The following DNAI3 variants were observed in gnomAD, a reference collection of about 807,000 sequenced individuals.
DNAI3 encodes dynein axonemal intermediate chain 3, also known as WD repeat domain 63.
In DNAI3, 83 loss-of-function variants were observed where a neutral mutation model predicts 115.5. The ratio of observed to expected loss-of-function variants is 0.72; its 90% CI spans 0.60 to 0.86. The LOEUF is 0.86. Ranked by LOEUF, DNAI3 falls within the 40% of genes least tolerant of loss-of-function variation. The pLI is 0.00. For synonymous variants in DNAI3, 320 were observed against 347.0 expected, an observed-to-expected ratio of 0.92 and a Z score of 0.86; for missense variants, 1,004 against 1,075.8, an observed-to-expected ratio of 0.93 and a Z score of 0.93.
intron 3 of DNAI3, among the ~76,000 whole-genome samples, chr1:85,076,840 CA>C (rs1274827052): frequency 1.3e-5 from 2 of 152,094 alleles, no homozygotes; most frequent in Non-Finnish European, 2.9e-5. Context: ...TTCTGTTTGC[CA>C]GAAGTGGTTA....
chr1:85,131,477 T>A (rs1656322990), intron 22 of DNAI3, among the ~76,000 whole-genome samples: 1 of 146,908 alleles, frequency 6.8e-6, no homozygotes, highest in Non-Finnish European at 1.5e-5. Context: ...AGCATTAGCA[T>A]GTGGAAATAT....
chr1:85,129,528 G>C (rs538275627), intron 21 of DNAI3, among the ~76,000 whole-genome samples: 1 of 151,758 alleles, frequency 6.6e-6, no homozygotes, highest in Non-Finnish European at 1.5e-5. Context: ...GATCTACATT[G>C]ATACTCTCAT....
intron 7 of DNAI3, among the ~76,000 whole-genome samples, chr1:85,087,740 T>C (rs924702821): frequency 6.6e-6 from 1 of 152,122 alleles, no homozygotes; most frequent in African/African-American, 2.4e-5. Flanking sequence ...AGGAAGAATG[T>C]GCAGAATGAT....
chr1:85,068,396 A>T (rs1451037867), intron 1 of DNAI3, among the ~76,000 whole-genome samples: 1 of 152,152 alleles, frequency 6.6e-6, no homozygotes, highest in Non-Finnish European at 1.5e-5. Context: ...TCACCAGTGA[A>T]TCTTATTGGG....
rs146760973 is a variant in DNAI3, at chr1:85,073,089, A to G, written c.100A>G (p.Met34Val). 5 of 1,545,744 alleles carry G rather than the reference A, an allele frequency of 3.2e-6. No homozygotes were observed. Among genetic ancestry groups the G allele is most frequent in the Non-Finnish European group, 2.6e-6 (3 of 1,144,028 alleles). Reference protein sequence around the residue: ...EDMEPVNMESMGHPEIYPLVL... With the variant: ...EDMEPVNMESVGHPEIYPLVL... ...CATGGAACCAGTAAATATGGAGAGCATGGGTAAGTGGAAATATAATTTACA... is the reference window on the plus strand; with the variant it reads ...CATGGAACCAGTAAATATGGAGAGCGTGGGTAAGTGGAAATATAATTTACA... Residue 34 changes from methionine (M) to valine (V), a missense_variant, in exon 3 of 23, where the codon ATG becomes GTG. Around this residue, in one of 3 missense-constraint regions of DNAI3, gnomAD observed 550 missense variants for 568.1 expected, o/e 0.97. Coordinates refer to ENST00000294664, the MANE Select transcript of DNAI3 (RefSeq NM_145172.5).
At chr1:85,127,343 T>C (rs1049283005) in intron 20 of DNAI3, among the ~76,000 whole-genome samples, 3 of 152,216 alleles carry the variant, frequency 2.0e-5, no homozygotes, top group African/African-American at 7.2e-5. Flanking sequence ...GTATGTCCTT[T>C]GTCTCCATTT....
chr1:85,077,927 C>T (rs954078461), intron 3 of DNAI3, among the ~76,000 whole-genome samples: 30 of 151,646 alleles, frequency 2.0e-4, no homozygotes, highest in South Asian at 4.1e-4. Context: ...TTTTAAACAA[C>T]GCTCATTATG....
chr1:85,129,875 G>A lies in DNAI3; in HGVS notation c.2410-115G>A, dbSNP rs1000376373. On this transcript the variant is annotated intron_variant, in intron 21 of 22. Coordinates refer to ENST00000294664, the MANE Select transcript of DNAI3 (RefSeq NM_145172.5). ...GATAATGATCAAGTAGATTAGGGAGGTAGATTAGGTAGGTCGTCTACCTAA... is the reference window on the plus strand; with the variant it reads ...GATAATGATCAAGTAGATTAGGGAGATAGATTAGGTAGGTCGTCTACCTAA... 13 of 1,157,894 alleles carry A rather than the reference G, an allele frequency of 1.1e-5. No individual in the cohort carries two copies. The South Asian group carries it at 2.2e-4, about 20-fold the overall frequency. 71.7% of individuals were successfully genotyped at this position (1,157,894 alleles called of 1,614,324 possible). A position where few individuals can be genotyped will look rare whatever the true frequency, so the allele number is the denominator to read the frequency against.
intron 13 of DNAI3, among the ~76,000 whole-genome samples, chr1:85,101,654 A>C (rs1042483427): frequency 1.2e-4 from 16 of 130,532 alleles, no homozygotes; most frequent in African/African-American, 4.0e-4. Flanking sequence ...TGTGAACCGG[A>C]GAGGCGGAGC....
rs61387682 is a variant in DNAI3, at chr1:85,075,848, C to T, written c.103+2756C>T. Among the ~76,000 whole-genome samples, 41 of 152,208 alleles carry T rather than the reference C, an allele frequency of 2.7e-4. 1 individual carries two copies. The highest frequency in any genetic ancestry group is 5.1e-4 in the African/African-American group (21 of 41,544). ...ACAGACATGAAGGTGCTGTGACTCC[C>T]GAATGTTAAATAATTTACCCAAATT... On this transcript the variant is annotated intron_variant, in intron 3 of 22. Transcript: ENST00000294664.
intron 13 of DNAI3, among the ~76,000 whole-genome samples, chr1:85,101,665 T>A (rs1312399013): frequency 7.6e-6 from 1 of 131,874 alleles, no homozygotes. Context: ...GAGGCGGAGC[T>A]TGCAGTGAGC....
At chr1:85,093,764 T>A in intron 9 of DNAI3, 116 bp downstream of exon 9, 2 of 1,291,480 alleles carry the variant, frequency 1.5e-6, no homozygotes, top group Non-Finnish European at 2.2e-6. Context: ...ATTTGCTCTG[T>A]ACTCACTAGG....
At chr1:85,083,292 G>C (rs1654685743) in intron 5 of DNAI3, among the ~76,000 whole-genome samples, 1 of 152,092 alleles carries the variant, frequency 6.6e-6, no homozygotes, top group Admixed American at 6.6e-5. Flanking sequence ...TTCCAGATGA[G>C]CCTGGGTAAC....
At chr1:85,130,137 G>A in intron 22 of DNAI3, 25 bp downstream of exon 22, 1 of 1,612,526 alleles carries the variant, frequency 6.2e-7, no homozygotes, top group Non-Finnish European at 8.5e-7. Flanking sequence ...AGAAATGAAA[G>A]ATGTTTTCCT....
chr1:85,130,696 GATAGATAGATAGATAGATAGATAA>G (rs555097335), intron 22 of DNAI3, among the ~76,000 whole-genome samples: 1,023 of 99,218 alleles, frequency 0.01, 13 homozygotes, highest in Middle Eastern at 0.026. Flanking sequence ...TAGATAGATA[GATAGATAGATAGATAGATAGATAA>G]ATAGATATGA....
chr1:85,115,882 G>A (rs1178019528), intron 16 of DNAI3, among the ~76,000 whole-genome samples: 2 of 152,160 alleles, frequency 1.3e-5, no homozygotes, highest in African/African-American at 2.4e-5. Context: ...CTTGTCTCCT[G>A]CTGTGCTGAC....
Position 85,071,922 on chromosome 1 carries a change from A to G in DNAI3, c.-14-6A>G. ...AATTTACTAATAATATCATCTCTTT[A>G]TGCAGCCCAAGTCAGAACCATGGCT... On this transcript the variant is annotated splice_polypyrimidine_tract_variant and splice_region_variant and intron_variant, in intron 1 of 22. Transcript: ENST00000294664. 5 of 1,601,890 alleles carry G rather than the reference A, an allele frequency of 3.1e-6. No homozygotes were observed. Among genetic ancestry groups the G allele is most frequent in the Middle Eastern group, 1.7e-4 (1 of 6,024 alleles).
chr1:85,085,810 T>C, intron 6 of DNAI3, 21 bp from the exon 7 acceptor site: 1 of 1,609,702 alleles, frequency 6.2e-7, no homozygotes, highest in Non-Finnish European at 8.5e-7. Flanking sequence ...ATGTTACCTT[T>C]ACTGTTTACA....
At chr1:85,131,591 CAA>C (rs1453801079) in intron 22 of DNAI3, among the ~76,000 whole-genome samples, 1 of 151,902 alleles carries the variant, frequency 6.6e-6, no homozygotes. Context: ...TGTTTGGTGA[CAA>C]AGTGTAAAAG....
Sources: allele counts gnomAD v4.1 joint callset (sites outside exome capture counted in the v4.1 genomes callset), GRCh38; gene constraint gnomAD v4.1.1; regional missense constraint gnomAD v4.1.1; transcripts MANE v1.5; gene names NCBI Gene and HGNC (gene_info 2026-07-23, HGNC 2026-07-21).